TGFBRAP1: variants seen among roughly 807,000 people sequenced by gnomAD.
TGFBRAP1 encodes transforming growth factor-beta receptor-associated protein 1.
TGFBRAP1 carries 20 observed loss-of-function variants against 83.2 expected under a neutral mutation model. The ratio of observed to expected loss-of-function variants is 0.24; its 90% confidence interval spans 0.17 to 0.35. The LOEUF (loss-of-function observed/expected upper bound fraction) is 0.35. Among genes scored for constraint, TGFBRAP1 ranks in the 10% least tolerant of loss-of-function variants. The probability of loss-of-function intolerance (pLI) is 1.00; values close to 1 mark genes in which losing one functional copy is unlikely to be tolerated. For synonymous variants in TGFBRAP1, 415 were observed against 459.8 expected (o/e 0.90, Z 1.25); for missense variants, 950 against 1,099.4 (o/e 0.86, Z 1.92).
At chr2:105,323,523 G>A (rs58546976) in intron 1 of TGFBRAP1, among the ~76,000 whole-genome samples, 1 of 152,194 alleles carries the variant, frequency 6.6e-6, no homozygotes, top group Admixed American at 6.5e-5. Flanking sequence ...GCAGGCAGCA[G>A]GGAGTGAAGG....
chr2:105,311,138 A>C (rs1434722703), intron 1 of TGFBRAP1, among the ~76,000 whole-genome samples: 1 of 147,730 alleles, frequency 6.8e-6, no homozygotes, highest in Non-Finnish European at 1.5e-5. Context: ...AGAGGGAGAG[A>C]GAGCTGTAAA....
intron 4 of TGFBRAP1, among the ~76,000 whole-genome samples, chr2:105,291,532 G>A (rs777950746): frequency 1.1e-4 from 17 of 152,080 alleles, no homozygotes; most frequent in African/African-American, 1.7e-4. Flanking sequence ...CTTATTCATC[G>A]ACAGATGAAT....
chr2:105,251,345 T>C, the TGFBRAP1 span, among the ~76,000 whole-genome samples: 9 of 119,120 alleles, frequency 7.6e-5, no homozygotes, highest in Non-Finnish European at 1.4e-4. Flanking sequence ...CGGCCGCCCA[T>C]CGTCTGAGAT....
At chr2:105,287,229 G>A (rs945359760) in intron 4 of TGFBRAP1, among the ~76,000 whole-genome samples, 50 of 152,202 alleles carry the variant, frequency 3.3e-4, no homozygotes, top group African/African-American at 1.2e-3. Context: ...GTTAGTGTTC[G>A]GTAGCACAGC....
intron 3 of TGFBRAP1, among the ~76,000 whole-genome samples, chr2:105,296,756 C>CTTTTTTTTTTTTTTTTTTTT (rs60031957): frequency 2.7e-5 from 2 of 73,226 alleles, no homozygotes; most frequent in African/African-American, 5.1e-5. Flanking sequence ...CTTTTTTTGC[C>CTTTTTTTTTTTTTTTTTTTT]TTTTTTTTTT....
intron 6 of TGFBRAP1, among the ~76,000 whole-genome samples, 158 bp downstream of exon 6, chr2:105,280,224 C>T (rs556794408): frequency 2.3e-4 from 35 of 152,276 alleles, no homozygotes; most frequent in South Asian, 1.0e-3. Context: ...GGAGCACATG[C>T]ATCTGCTGTC....
chr2:105,277,512 C>A, intron 7 of TGFBRAP1, 102 bp downstream of exon 7: 1 of 822,332 alleles, frequency 1.2e-6, no homozygotes. Context: ...GTAGATCAGG[C>A]AAAAGTGGTC....
intron 5 of TGFBRAP1, among the ~76,000 whole-genome samples, chr2:105,282,220 A>G (rs1677563338): frequency 6.6e-6 from 1 of 152,218 alleles, no homozygotes; most frequent in Non-Finnish European, 1.5e-5. Flanking sequence ...TTACCCTTCC[A>G]TCCATTGCTC....
chr2:105,270,206 A>C (rs565230144), intron 10 of TGFBRAP1, among the ~76,000 whole-genome samples: 1 of 152,310 alleles, frequency 6.6e-6, no homozygotes, highest in Non-Finnish European at 1.5e-5. Flanking sequence ...ATATGAGCTC[A>C]TATTATTCAA....
intron 1 of TGFBRAP1, among the ~76,000 whole-genome samples, chr2:105,315,480 G>A (rs1367645804): frequency 1.3e-5 from 2 of 152,108 alleles, no homozygotes; most frequent in Admixed American, 6.6e-5. Context: ...TCTGGCAAAC[G>A]ACTCATATCC....
the TGFBRAP1 span, among the ~76,000 whole-genome samples, chr2:105,255,673 C>T: frequency 6.6e-6 from 1 of 152,314 alleles, no homozygotes; most frequent in African/African-American, 2.4e-5. Flanking sequence ...CAACCACCTC[C>T]TTTATGGAGC....
In TGFBRAP1 at chr2:105,280,612, G is replaced by A; in HGVS notation, c.1233C>T (p.Asn411=). 1.2e-6 allele frequency: 2 copies of A among 1,614,154 alleles called. No individual in the cohort carries two copies. The highest frequency in any genetic ancestry group is 1.7e-6 in the Non-Finnish European group (2 of 1,180,042). The change falls in exon 6 of 12, where the codon AAC becomes AAT. Residue 411 remains asparagine (N), a synonymous_variant. Coordinates refer to ENST00000393359, the MANE Select transcript of TGFBRAP1 (RefSeq NM_004257.6). ...TCTCCTGGTCCCCCTGGGTCAGCTG[G>A]TTCAGGTCTGCGTACTCATGAAGAG... The part of the protein sequence containing the change: ...HPPLHEYADL[N]QLTQGDQEKM...
rs751497186 is a variant in TGFBRAP1 at position 105,272,948 on chromosome 2, C to A, written c.1879G>T (p.Ala627Ser). 1.9e-6 allele frequency: 3 copies of A among 1,612,872 alleles called. No individual in the cohort carries two copies. In the African/African-American group the frequency reaches 4.0e-5, roughly 22 times the overall value. The stretch of plus-strand genomic sequence containing the variant: ...GTGGCCTCTGCACCCTTGCCACTGG[C>A]GGAGGCCCTCTGCAGCAGCACCTCT... ...LEEVLLQRASASGKGAEATET... is the reference protein window; with the variant it reads ...LEEVLLQRASSSGKGAEATET... The change falls in exon 10 of 12, where the codon GCC becomes TCC. Residue 627 changes from alanine (A) to serine (S), a missense_variant. Physicochemically the swap from Ala to Ser is moderately conservative, Grantham distance 99. Coordinates refer to ENST00000393359, the MANE Select transcript of TGFBRAP1 (RefSeq NM_004257.6).
At chr2:105,271,471 A>C (rs564088836) in intron 10 of TGFBRAP1, among the ~76,000 whole-genome samples, 1 of 152,318 alleles carries the variant, frequency 6.6e-6, no homozygotes, top group African/African-American at 2.4e-5. Flanking sequence ...ATCGCCACAG[A>C]AAGTCCTAAT....
Position 105,275,681 on chromosome 2 carries a change from CCATTCACAATGTT to C in TGFBRAP1, c.1531_1543del (p.Asn511AlafsTer23). 1 of 1,609,666 alleles carries C rather than the reference CCATTCACAATGTT, an allele frequency of 6.2e-7. No homozygotes were observed. Among genetic ancestry groups the C allele is most frequent in the Non-Finnish European group, 8.5e-7 (1 of 1,178,806 alleles). On this transcript the variant is annotated frameshift_variant, in exon 8 of 12. Coordinates refer to ENST00000393359, the MANE Select transcript of TGFBRAP1 (RefSeq NM_004257.6). LOFTEE classifies it high-confidence loss of function. ...TGAGCGTGTGGAGTCCTGGACATCG[CCATTCACAATGTT>C]CACCCACAACTGGAAAGGAATCAAA...
rs533690174 is a variant in TGFBRAP1 at position 105,319,452 on chromosome 2, G to A, written c.-18+10173C>T. 2.7e-5 allele frequency among the ~76,000 whole-genome samples: 4 copies of A among 150,092 alleles called. No individual in the cohort carries two copies. The South Asian group carries it at 8.4e-4, about 32-fold the overall frequency. On this transcript the variant is annotated intron_variant, in intron 1 of 11. Coordinates refer to ENST00000393359, the MANE Select transcript of TGFBRAP1 (RefSeq NM_004257.6). ...CACGCCTGTAATCCCAGCACTTTGGGAGACTGAGGTGGGTAGATCACCTGA... is the reference window on the plus strand; with the variant it reads ...CACGCCTGTAATCCCAGCACTTTGGAAGACTGAGGTGGGTAGATCACCTGA...
chr2:105,318,985 T>C (rs147509752), intron 1 of TGFBRAP1, among the ~76,000 whole-genome samples: 20 of 152,204 alleles, frequency 1.3e-4, no homozygotes, highest in Non-Finnish European at 2.6e-4. Context: ...CCATTTCCTC[T>C]ATACTAAAAC....
At chr2:105,313,925 T>C (rs998151615) in intron 1 of TGFBRAP1, among the ~76,000 whole-genome samples, 2 of 152,134 alleles carry the variant, frequency 1.3e-5, no homozygotes, top group African/African-American at 2.4e-5. Flanking sequence ...CTGCCATCTG[T>C]TATGGGTTGA....
intron 2 of TGFBRAP1, among the ~76,000 whole-genome samples, chr2:105,303,380 C>A (rs147880111): frequency 2.6e-4 from 39 of 152,336 alleles, no homozygotes; most frequent in African/African-American, 8.7e-4. Flanking sequence ...CTGTAAACAT[C>A]AGGGCTTTTT....
Sources: allele counts gnomAD v4.1 joint callset (sites outside exome capture counted in the v4.1 genomes callset), GRCh38; gene constraint gnomAD v4.1.1; transcripts MANE v1.5; gene names NCBI Gene and HGNC (gene_info 2026-07-23, HGNC 2026-07-21).